TYW1B: variants seen among roughly 807,000 people sequenced by gnomAD.
TYW1B encodes the protein S-adenosyl-L-methionine-dependent tRNA 4-demethylwyosine synthase TYW1B.
TYW1B carries 73 observed loss-of-function variants against 86.9 expected under a neutral mutation model. That is an observed-to-expected ratio of 0.84 (90% CI 0.70 to 1.02). The LOEUF (loss-of-function observed/expected upper bound fraction) is 1.02. Among genes scored for constraint, TYW1B ranks in the 50% least tolerant of loss-of-function variants. The pLI, the probability that TYW1B is intolerant of heterozygous loss-of-function variation, is 0.00. For missense variants in TYW1B, 637 were observed against 827.4 expected (o/e 0.77, Z 2.82); for synonymous variants, 248 against 292.8 (o/e 0.85, Z 1.56).
At chr7:72,668,987 C>T (rs1488621661) in intron 11 of TYW1B, among the ~76,000 whole-genome samples, 1 of 152,072 alleles carries the variant, frequency 6.6e-6, no homozygotes, top group Middle Eastern at 3.2e-3. Context: ...CTATATCCCC[C>T]TGCCTAGCAC....
At chr7:72,805,825 T>C (rs1788483823) in intron 5 of TYW1B, among the ~76,000 whole-genome samples, 1 of 151,784 alleles carries the variant, frequency 6.6e-6, no homozygotes, top group African/African-American at 2.4e-5. Context: ...AGAATAATGA[T>C]AGGAACAGGG....
chr7:72,713,226 A>G (rs1487203571), intron 10 of TYW1B, among the ~76,000 whole-genome samples: 5 of 141,198 alleles, frequency 3.5e-5, no homozygotes, highest in Non-Finnish European at 6.1e-5. Flanking sequence ...ACTTGAACCT[A>G]GGAGGCGGAG....
intron 10 of TYW1B, among the ~76,000 whole-genome samples, chr7:72,697,031 TAAAAAAAAAAAAAA>T (rs781801843): frequency 2.2e-5 from 3 of 137,922 alleles, no homozygotes; most frequent in South Asian, 2.5e-4. Context: ...GATTTCTACT[TAAAAAAAAAAAAAA>T]AAAAAAAAAA....
chr7:72,725,759 T>C (rs868920558), intron 9 of TYW1B, among the ~76,000 whole-genome samples: 1 of 151,986 alleles, frequency 6.6e-6, no homozygotes, highest in Admixed American at 6.6e-5. Context: ...CTTCCCTGAG[T>C]CTCCAACCTG....
chr7:72,653,742 T>C (rs1177244463), intron 11 of TYW1B, among the ~76,000 whole-genome samples: 1 of 151,882 alleles, frequency 6.6e-6, no homozygotes, highest in South Asian at 2.1e-4. Context: ...ATCATATCAA[T>C]TGACAATGAA....
rs782322103 is a variant in TYW1B, at chr7:72,826,934, A to G, written c.56T>C (p.Ile19Thr). ...DLSSPLISLW[I>T]NRFYIYLGFA... ...GCCCAGATAAATGTAAAACCTGTTT[A>G]TCCATAATGATATTAAAGGTGAGGA... The change falls in exon 2 of 14, where the codon ATA becomes ACA. Residue 19 changes from isoleucine to threonine, a missense_variant. Transcript: ENST00000620995. 1 of 1,613,952 alleles carries G rather than the reference A, an allele frequency of 6.2e-7. No homozygotes were observed. Among genetic ancestry groups the G allele is most frequent in the East Asian group, 2.2e-5 (1 of 44,860 alleles).
intron 13 of TYW1B, among the ~76,000 whole-genome samples, chr7:72,595,039 C>T (rs1346666359): frequency 7.2e-5 from 11 of 152,220 alleles, no homozygotes; most frequent in African/African-American, 2.4e-4. Flanking sequence ...GTATCATACT[C>T]AATAGTAAAA....
chr7:72,578,255 A>G (rs1357108436), intron 13 of TYW1B, among the ~76,000 whole-genome samples: 4 of 151,704 alleles, frequency 2.6e-5, no homozygotes, highest in African/African-American at 9.7e-5. Context: ...CTGGGACTAC[A>G]GGCGACCACC....
intron 11 of TYW1B, among the ~76,000 whole-genome samples, chr7:72,675,506 G>A (rs1304312273): frequency 1.3e-5 from 2 of 149,092 alleles, no homozygotes; most frequent in Non-Finnish European, 3.0e-5. Context: ...AATAGTTTTA[G>A]TATTTTTATG....
intron 12 of TYW1B, among the ~76,000 whole-genome samples, chr7:72,617,214 T>A (rs1207149470): frequency 1.3e-5 from 2 of 152,146 alleles, no homozygotes; most frequent in African/African-American, 4.8e-5. Flanking sequence ...CTTAGGACAA[T>A]AATGGGGGCA....
intron 6 of TYW1B, among the ~76,000 whole-genome samples, chr7:72,797,334 C>A (rs1788321992): frequency 6.6e-6 from 1 of 152,166 alleles, no homozygotes; most frequent in Non-Finnish European, 1.5e-5. Context: ...GATGGGATAC[C>A]AATAAAAACC....
At chr7:72,648,722 G>C (rs550428413) in intron 11 of TYW1B, among the ~76,000 whole-genome samples, 47 of 152,158 alleles carry the variant, frequency 3.1e-4, no homozygotes, top group East Asian at 2.1e-3. Flanking sequence ...CAACAGGAAA[G>C]AGAAAAACAG....
At chr7:72,672,773 CAT>C (rs1250508638) in intron 11 of TYW1B, among the ~76,000 whole-genome samples, 14 of 152,270 alleles carry the variant, frequency 9.2e-5, no homozygotes, top group Admixed American at 7.8e-4. Context: ...CATATATACA[CAT>C]ATGTGTGCAT....
At chr7:72,656,264 A>C (rs1310065234) in intron 11 of TYW1B, among the ~76,000 whole-genome samples, 1 of 152,308 alleles carries the variant, frequency 6.6e-6, no homozygotes, top group South Asian at 2.1e-4. Context: ...ACCCACCCAG[A>C]ACTACTACCC....
chr7:72,579,499 C>T (rs1233535716), intron 13 of TYW1B, among the ~76,000 whole-genome samples: 2 of 152,210 alleles, frequency 1.3e-5, no homozygotes, highest in Non-Finnish European at 2.9e-5. Context: ...GTTCTGGAGG[C>T]TGGAATTCCA....
At chr7:72,638,402 A>C (rs1563041242) in intron 11 of TYW1B, among the ~76,000 whole-genome samples, 1 of 152,252 alleles carries the variant, frequency 6.6e-6, no homozygotes, top group Admixed American at 6.5e-5. Context: ...CACATCAACA[A>C]GATAAAGAAG....
intron 11 of TYW1B, among the ~76,000 whole-genome samples, chr7:72,647,735 A>G (rs186439360): frequency 6.6e-6 from 1 of 151,880 alleles, no homozygotes; most frequent in Admixed American, 6.6e-5. Context: ...CCCAGGCTGG[A>G]ATGTAATGGT....
At position 72,810,532 on chromosome 7, in the gene TYW1B, T is replaced by C. The variant is rs1554477897; in HGVS notation, c.371A>G (p.Lys124Arg). The C allele has an allele frequency of 2.5e-6, 4 of 1,613,946 alleles. No homozygotes were observed. The highest frequency in any genetic ancestry group is 1.7e-4 in the Middle Eastern group (1 of 6,056). The stretch of plus-strand genomic sequence containing the variant: ...GCCAAATACCGCATCTCTCATACCC[T>C]TCAGGTAAGTTTTGCCAAATCGAAA... ...IDFRFGKTYL[K>R]GMRDAVFGLG... Residue 124 changes from lysine (K) to arginine (R), a missense_variant, in exon 4 of 14, where the codon AAG (lysine) becomes AGG (arginine). Transcript: ENST00000620995.
At chr7:72,720,284 C>T (rs1278772099) in intron 9 of TYW1B, among the ~76,000 whole-genome samples, 13 of 152,118 alleles carry the variant, frequency 8.5e-5, no homozygotes, top group African/African-American at 3.1e-4. Flanking sequence ...AGGAGGACCA[C>T]GGACTGAGTC....
Sources: allele counts gnomAD v4.1 joint callset (sites outside exome capture counted in the v4.1 genomes callset), GRCh38; gene constraint gnomAD v4.1.1; transcripts MANE v1.5; gene names NCBI Gene and HGNC (gene_info 2026-07-23, HGNC 2026-07-21).